RXFP1: variants seen among roughly 807,000 people sequenced by gnomAD.
RXFP1 encodes the protein relaxin family peptide receptor 1, also known as relaxin receptor 1.
A neutral mutation model predicts 89.8 loss-of-function variants in RXFP1; 73 were observed. That is an observed-to-expected ratio of 0.81 (90% CI 0.67 to 0.99). The LOEUF (loss-of-function observed/expected upper bound fraction) is 0.99, where lower values mean the gene tolerates loss of function less well. RXFP1 is among the 50% of genes least tolerant of loss of function. The probability of loss-of-function intolerance (pLI) is 0.00; values close to 1 mark genes in which losing one functional copy is unlikely to be tolerated. For synonymous variants in RXFP1, 277 were observed against 305.5 expected, an observed-to-expected ratio of 0.91 and a Z score of 0.97; for missense variants, 793 against 895.5, an observed-to-expected ratio of 0.89 and a Z score of 1.46.
chr4:158,649,368 G>A (rs1395195608), intron 17 of RXFP1, among the ~76,000 whole-genome samples: 1 of 152,044 alleles, frequency 6.6e-6, no homozygotes, highest in African/African-American at 2.4e-5. Context: ...CAAAATGTAA[G>A]AAAATTTTCT....
intron 12 of RXFP1, among the ~76,000 whole-genome samples, chr4:158,637,207 G>A (rs962811469): frequency 4.6e-5 from 7 of 152,146 alleles, no homozygotes; most frequent in African/African-American, 1.7e-4. Flanking sequence ...ATGAATATGG[G>A]AGTACAGAAA....
intron 1 of RXFP1, among the ~76,000 whole-genome samples, chr4:158,553,141 AT>A (rs1750541006): frequency 6.6e-6 from 1 of 152,176 alleles, no homozygotes; most frequent in Non-Finnish European, 1.5e-5. Context: ...GTGAGCTCTG[AT>A]CATGCCACTG....
intron 1 of RXFP1, among the ~76,000 whole-genome samples, chr4:158,545,420 G>T (rs1748051803): frequency 6.6e-6 from 1 of 152,138 alleles, no homozygotes. Context: ...TCTGATGGTA[G>T]TTTCTTTTGC....
intron 2 of RXFP1, 96 bp from the exon 3 acceptor site, chr4:158,593,305 A>C (rs1299293122): frequency 1.8e-6 from 1 of 560,236 alleles, no homozygotes; most frequent in African/African-American, 2.0e-5. Context: ...ATTTGGAGAA[A>C]CCACTGGACT....
At chr4:158,588,988 G>C (rs963939806) in intron 2 of RXFP1, among the ~76,000 whole-genome samples, 2 of 152,158 alleles carry the variant, frequency 1.3e-5, no homozygotes, top group African/African-American at 4.8e-5. Flanking sequence ...AGAAATACAC[G>C]AGACTGAGTG....
chr4:158,645,306 A>G lies in RXFP1; in HGVS notation c.1345+168A>G, dbSNP rs543158170. 3.3e-5 allele frequency among the ~76,000 whole-genome samples: 5 copies of G among 152,378 alleles called. No homozygotes were observed. In the South Asian group the frequency reaches 8.3e-4, roughly 25 times the overall value. ...ACAAAGAAAATAGAATTACTTTAGC[A>G]ATAAAAAAATATGTTTTTTAAACTA... On this transcript the variant is annotated intron_variant, in intron 15 of 17. Transcript: ENST00000307765.
intron 12 of RXFP1, among the ~76,000 whole-genome samples, chr4:158,637,333 T>C (rs1769387270): frequency 6.6e-6 from 1 of 152,208 alleles, no homozygotes; most frequent in Non-Finnish European, 1.5e-5. Context: ...TTTTCCATAA[T>C]GGTTGTACTA....
intron 1 of RXFP1, among the ~76,000 whole-genome samples, chr4:158,553,154 A>C (rs150293812): frequency 6.6e-6 from 1 of 152,280 alleles, no homozygotes; most frequent in Non-Finnish European, 1.5e-5. Context: ...ATGCCACTGC[A>C]CTCCAGCCTG....
chr4:158,543,051 C>A (rs1747216630), intron 1 of RXFP1, among the ~76,000 whole-genome samples: 1 of 152,022 alleles, frequency 6.6e-6, no homozygotes, highest in African/African-American at 2.4e-5. Context: ...TGAAAACAAA[C>A]CCCCATGACA....
chr4:158,605,391 A>G (rs937447744), intron 5 of RXFP1, among the ~76,000 whole-genome samples: 1 of 152,082 alleles, frequency 6.6e-6, no homozygotes, highest in African/African-American at 2.4e-5. Context: ...GAATCCTCCT[A>G]CCACAATCCC....
chr4:158,567,865 C>T (rs955684680), intron 1 of RXFP1, among the ~76,000 whole-genome samples: 1 of 152,170 alleles, frequency 6.6e-6, no homozygotes. Context: ...GCAGGCTGCC[C>T]AAGTCAGCAG....
At chr4:158,615,994 T>A (rs969164628) in intron 8 of RXFP1, among the ~76,000 whole-genome samples, 10 of 152,138 alleles carry the variant, frequency 6.6e-5, no homozygotes, top group Non-Finnish European at 1.3e-4. Context: ...ATTACCAAAA[T>A]ATGACACAGA....
chr4:158,606,638 C>G (rs953338822), intron 5 of RXFP1, among the ~76,000 whole-genome samples: 1 of 152,052 alleles, frequency 6.6e-6, no homozygotes, highest in Non-Finnish European at 1.5e-5. Context: ...TGCTGGAGTG[C>G]AGTAGTATGA....
At chr4:158,604,989 GT>G in intron 4 of RXFP1, 78 bp from the exon 5 acceptor site, 1 of 748,170 alleles carries the variant, frequency 1.3e-6, no homozygotes, top group South Asian at 1.9e-5. Context: ...AAAGTAAATA[GT>G]TTGTAATTAT....
intron 17 of RXFP1, among the ~76,000 whole-genome samples, chr4:158,650,543 C>T (rs1772496491): frequency 1.3e-5 from 2 of 151,520 alleles, no homozygotes; most frequent in Non-Finnish European, 2.9e-5. Context: ...CTGAGGTGGG[C>T]AGATCACTTG....
chr4:158,561,280 T>C (rs914004874), intron 1 of RXFP1, among the ~76,000 whole-genome samples: 6 of 152,220 alleles, frequency 3.9e-5, no homozygotes, highest in Non-Finnish European at 8.8e-5. Flanking sequence ...ATCTGAAATT[T>C]TGAAATCCGA....
At chr4:158,634,519 T>A (rs532308077) in intron 12 of RXFP1, among the ~76,000 whole-genome samples, 1 of 152,356 alleles carries the variant, frequency 6.6e-6, no homozygotes, top group South Asian at 2.1e-4. Flanking sequence ...CAAAAGTTTT[T>A]AATTTATGTA....
At chr4:158,642,841 C>T (rs995911525) in intron 14 of RXFP1, among the ~76,000 whole-genome samples, 4 of 152,012 alleles carry the variant, frequency 2.6e-5, no homozygotes, top group East Asian at 3.9e-4. Context: ...AGGTTTAATA[C>T]GGGAGAGAAA....
chr4:158,541,351 C>CACACACACAT (rs1491319568), intron 1 of RXFP1, among the ~76,000 whole-genome samples: 8 of 220 alleles, frequency 0.036, no homozygotes, highest in Non-Finnish European at 0.092. Context: ...GAGCTTCATG[C>CACACACACAT]ACACACACAC....
Sources: allele counts gnomAD v4.1 joint callset (sites outside exome capture counted in the v4.1 genomes callset), GRCh38; gene constraint gnomAD v4.1.1; transcripts MANE v1.5; gene names NCBI Gene and HGNC (gene_info 2026-07-23, HGNC 2026-07-21).